Variants in RIT2 observed in about 807,000 individuals in gnomAD.
The protein encoded by RIT2 is Ras like without CAAX 2, also known as GTP-binding protein Rit2.
RIT2 carries 24 observed loss-of-function variants against 23.7 expected under a neutral mutation model. That is an observed-to-expected ratio of 1.01 (90% CI 0.73 to 1.43). The LOEUF (loss-of-function observed/expected upper bound fraction) is 1.43, where lower values mean the gene tolerates loss of function less well. Ranked by LOEUF, RIT2 falls within the 40% of genes most tolerant of loss-of-function variation. The pLI is 0.00. For synonymous variants in RIT2, 107 were observed against 91.1 expected (o/e 1.17, Z -0.99); for missense variants, 236 against 266.9 (o/e 0.88, Z 0.81).
intron 4 of RIT2, among the ~76,000 whole-genome samples, chr18:42,761,911 C>A (rs1442354237): frequency 6.6e-6 from 1 of 152,286 alleles, no homozygotes; most frequent in South Asian, 2.1e-4. Flanking sequence ...AGTACCAGTT[C>A]CTTTGACCAA....
At chr18:42,949,315 T>C (rs1909796172) in intron 3 of RIT2, among the ~76,000 whole-genome samples, 1 of 152,084 alleles carries the variant, frequency 6.6e-6, no homozygotes, top group Non-Finnish European at 1.5e-5. Context: ...TAAAAGAAAT[T>C]TATTTGGGAA....
At chr18:42,855,858 A>G (rs936380017) in intron 4 of RIT2, among the ~76,000 whole-genome samples, 1 of 152,190 alleles carries the variant, frequency 6.6e-6, no homozygotes, top group South Asian at 2.1e-4. Context: ...ATAAACATCT[A>G]CTATACATAG....
chr18:42,845,065 T>TTAGAA (rs1906870943), intron 4 of RIT2, among the ~76,000 whole-genome samples: 1 of 152,146 alleles, frequency 6.6e-6, no homozygotes, highest in South Asian at 2.1e-4. Flanking sequence ...TTTGAATGCC[T>TTAGAA]TAGAATATTA....
chr18:43,030,817 A>G (rs1911836674), intron 2 of RIT2, among the ~76,000 whole-genome samples: 1 of 152,102 alleles, frequency 6.6e-6, no homozygotes, highest in African/African-American at 2.4e-5. Flanking sequence ...CGGGTGCTTT[A>G]CCACGAGAAG....
At chr18:42,852,491 T>C (rs1425703894) in intron 4 of RIT2, among the ~76,000 whole-genome samples, 1 of 152,224 alleles carries the variant, frequency 6.6e-6, no homozygotes, top group Non-Finnish European at 1.5e-5. Context: ...TCTTACTTCA[T>C]GGTGTTCAGG....
intron 2 of RIT2, among the ~76,000 whole-genome samples, chr18:43,019,031 A>C (rs1911537051): frequency 6.6e-6 from 1 of 152,098 alleles, no homozygotes; most frequent in Non-Finnish European, 1.5e-5. Flanking sequence ...GACAGAAATA[A>C]GTGCTCACAT....
intron 4 of RIT2, among the ~76,000 whole-genome samples, chr18:42,878,886 A>G (rs1234782063): frequency 4.1e-5 from 5 of 122,382 alleles, no homozygotes; most frequent in African/African-American, 1.6e-4. Context: ...TCATATCTTT[A>G]TGGCGTATTT....
intron 4 of RIT2, among the ~76,000 whole-genome samples, chr18:42,790,579 C>T (rs138668248): frequency 1.1e-3 from 170 of 152,252 alleles, no homozygotes; most frequent in Non-Finnish European, 1.9e-3. Flanking sequence ...CAGGCGTCTG[C>T]CACCACACCC....
intron 2 of RIT2, among the ~76,000 whole-genome samples, chr18:42,994,621 C>T (rs536597721): frequency 3.0e-4 from 46 of 152,236 alleles, no homozygotes; most frequent in South Asian, 1.7e-3. Context: ...TACACACAGC[C>T]GAAGTGCAGG....
intron 4 of RIT2, among the ~76,000 whole-genome samples, chr18:42,900,753 G>C (rs1908454445): frequency 6.6e-6 from 1 of 152,006 alleles, no homozygotes; most frequent in Non-Finnish European, 1.5e-5. Context: ...TGAGGCAGAA[G>C]GGCTTAAGAG....
chr18:42,943,112 A>G (rs1909643488), intron 3 of RIT2, among the ~76,000 whole-genome samples: 1 of 152,076 alleles, frequency 6.6e-6, no homozygotes, highest in Non-Finnish European at 1.5e-5. Context: ...GGACCCGAAC[A>G]GGTTGCCACT....
chr18:42,839,625 G>A (rs1906709773), intron 4 of RIT2, among the ~76,000 whole-genome samples: 1 of 152,096 alleles, frequency 6.6e-6, no homozygotes, highest in African/African-American at 2.4e-5. Context: ...GCTCCTAGGA[G>A]GCTAATACAT....
chr18:42,869,894 C>T (rs903297198), intron 4 of RIT2, among the ~76,000 whole-genome samples: 4 of 152,096 alleles, frequency 2.6e-5, no homozygotes, highest in Admixed American at 2.6e-4. Context: ...AGGTATAGTC[C>T]CACATATCCT....
intron 4 of RIT2, among the ~76,000 whole-genome samples, chr18:42,919,741 T>C (rs1328021796): frequency 6.6e-6 from 1 of 151,884 alleles, no homozygotes; most frequent in East Asian, 1.9e-4. Context: ...TGGTCTGCAA[T>C]TGACATAAAA....
intron 1 of RIT2, among the ~76,000 whole-genome samples, chr18:43,111,709 T>C (rs746341349): frequency 2.6e-5 from 4 of 152,194 alleles, no homozygotes; most frequent in Non-Finnish European, 4.4e-5. Flanking sequence ...CTCCTAAATG[T>C]CTGCTACTTT....
chr18:43,026,620 GAAAGAA>G (rs1555652906), intron 2 of RIT2, among the ~76,000 whole-genome samples: 18 of 141,850 alleles, frequency 1.3e-4, no homozygotes, highest in African/African-American at 4.6e-4. Flanking sequence ...AAGAAAGAAA[GAAAGAA>G]AGAAAGAAAG....
intron 2 of RIT2, among the ~76,000 whole-genome samples, chr18:43,027,526 C>T (rs748872877): frequency 1.3e-5 from 2 of 151,764 alleles, no homozygotes; most frequent in Non-Finnish European, 2.9e-5. Context: ...TAAGTATGGA[C>T]TCAGAGTGGT....
At chr18:42,865,456 T>C (rs967507284) in intron 4 of RIT2, among the ~76,000 whole-genome samples, 1 of 152,192 alleles carries the variant, frequency 6.6e-6, no homozygotes, top group Non-Finnish European at 1.5e-5. Context: ...TAGCAATGTA[T>C]AAACATATTA....
At chr18:42,870,197 C>CA (rs1379368548) in intron 4 of RIT2, among the ~76,000 whole-genome samples, 1 of 152,138 alleles carries the variant, frequency 6.6e-6, no homozygotes, top group African/African-American at 2.4e-5. Flanking sequence ...TATATATTAA[C>CA]AAAACTTGGA....
Sources: allele counts gnomAD v4.1 joint callset (sites outside exome capture counted in the v4.1 genomes callset), GRCh38; gene constraint gnomAD v4.1.1; transcripts MANE v1.5; gene names NCBI Gene and HGNC (gene_info 2026-07-23, HGNC 2026-07-21).